FYTTD1: variants seen among roughly 807,000 people sequenced by gnomAD.
The protein encoded by FYTTD1 is forty-two-three domain containing 1.
FYTTD1 carries 22 observed loss-of-function variants against 40.9 expected under a neutral mutation model. The ratio of observed to expected loss-of-function variants is 0.54; its 90% CI spans 0.38 to 0.77. FYTTD1 has a LOEUF of 0.77. FYTTD1 is among the 30% of genes least tolerant of loss of function. The probability of loss-of-function intolerance (pLI) is 0.00; values close to 1 mark genes in which losing one functional copy is unlikely to be tolerated. For missense variants in FYTTD1, 351 were observed against 392.2 expected (o/e 0.90, Z 0.89); for synonymous variants, 140 against 137.9 (o/e 1.01, Z -0.10).
chr3:197,773,999 C>T, intron 5 of FYTTD1, 150 bp from the exon 6 acceptor site: 3 of 702,392 alleles, frequency 4.3e-6, no homozygotes, highest in Non-Finnish European at 5.0e-6. Context: ...GCACACGCCC[C>T]ACTGGGTTAG....
Position 197,768,475 on chromosome 3 carries a change from T to C in FYTTD1, c.272T>C (p.Val91Ala), listed in dbSNP as rs747480786. ...ACTAGTCTGAATCGTAGAGGAAGAG[T>C]AATGCCTGGAAAGAGACGTCCTAAT... ...GKTSLNRRGRVMPGKRRPNGV... is the reference protein window; with the variant it reads ...GKTSLNRRGRAMPGKRRPNGV... The change falls in exon 3 of 9, where the codon GTA (valine) becomes GCA (alanine). Residue 91 changes from valine to alanine, a missense_variant. Transcript: ENST00000241502. 6.2e-7 allele frequency: 1 copy of C among 1,612,302 alleles called. No homozygotes were observed. Among genetic ancestry groups the C allele is most frequent in the Admixed American group, 1.7e-5 (1 of 59,948 alleles).
intron 5 of FYTTD1, 22 bp downstream of exon 5, chr3:197,773,521 G>A: frequency 1.0e-6 from 1 of 962,816 alleles, no homozygotes. Flanking sequence ...CTTTGGCAGT[G>A]TTTTTGTTTG....
intron 2 of FYTTD1, among the ~76,000 whole-genome samples, chr3:197,760,784 GT>G (rs1729360429): frequency 6.6e-6 from 1 of 151,762 alleles, no homozygotes. Context: ...AATGTATGGA[GT>G]TGTTCCTCAG....
chr3:197,750,329 G>C, intron 1 of FYTTD1: 1 of 1,138,826 alleles, frequency 8.8e-7, no homozygotes, highest in Non-Finnish European at 1.1e-6. Flanking sequence ...CGGGGGCAGG[G>C]GCGCTGCGGG....
chr3:197,771,633 C>A (rs529861081), intron 4 of FYTTD1, among the ~76,000 whole-genome samples: 2 of 151,490 alleles, frequency 1.3e-5, no homozygotes, highest in African/African-American at 4.9e-5. Flanking sequence ...AAAAATTAGC[C>A]GGGCGTGGTG....
intron 8 of FYTTD1, among the ~76,000 whole-genome samples, chr3:197,780,899 G>A (rs1479328703): frequency 6.6e-6 from 1 of 151,882 alleles, no homozygotes; most frequent in Non-Finnish European, 1.5e-5. Flanking sequence ...GATTGAGGAA[G>A]CTCCCTTCTA....
chr3:197,762,940 A>G (rs1264632265), intron 2 of FYTTD1, among the ~76,000 whole-genome samples: 3 of 152,198 alleles, frequency 2.0e-5, no homozygotes, highest in South Asian at 2.1e-4. Context: ...TAATCTGTAC[A>G]GCAAACCCCC....
chr3:197,775,227 T>TA (rs1729843374), intron 6 of FYTTD1, among the ~76,000 whole-genome samples: 1 of 152,232 alleles, frequency 6.6e-6, no homozygotes, highest in African/African-American at 2.4e-5. Flanking sequence ...TTCTTAGCCC[T>TA]ATAAAAAATC....
At position 197,768,516 on chromosome 3, in the gene FYTTD1, C is replaced by T. The variant is rs1729617409; in HGVS notation, c.313C>T (p.Leu105Phe). 1 of 1,613,476 alleles carries T rather than the reference C, an allele frequency of 6.2e-7. No homozygotes were observed. ...KRRPNGVITG[L>F]AARKTTGIRK... ...ACGTCCTAATGGAGTTATCACTGGC[C>T]TTGCAGCTAGGAAAACGACTGGAAT... Residue 105 changes from leucine (L) to phenylalanine (F), a missense_variant, in exon 3 of 9, where the codon CTT becomes TTT. Physicochemically the swap from Leu to Phe is conservative, Grantham distance 22. Transcript: ENST00000241502.
intron 1 of FYTTD1, chr3:197,750,906 C>T (rs1729010737): frequency 2.1e-6 from 2 of 944,258 alleles, no homozygotes; most frequent in East Asian, 1.2e-4. Context: ...TTGGTGATTC[C>T]ATTAAAATCC....
Position 197,750,054 on chromosome 3 carries a change from A to T in FYTTD1, c.83A>T (p.Asp28Val). 1 of 1,581,238 alleles carries T rather than the reference A, an allele frequency of 6.3e-7. No homozygotes were observed. ...AAGGCCCGCAGCAATGAAAACCTCG[A>T]CAAAATAGATATGTCTTTGGGTGAG... ...PPKARSNENL[D>V]KIDMSLDDII... The change falls in exon 1 of 9, where the codon GAC (aspartate) becomes GTC (valine). Residue 28 changes from aspartate (D) to valine (V), a missense_variant. Transcript: ENST00000241502.
At chr3:197,771,748 G>T (rs1468323282) in intron 4 of FYTTD1, among the ~76,000 whole-genome samples, 1 of 125,598 alleles carries the variant, frequency 8.0e-6, no homozygotes, top group Non-Finnish European at 1.6e-5. Context: ...CTGCACTCCA[G>T]CCTGGGCGAC....
intron 4 of FYTTD1, among the ~76,000 whole-genome samples, chr3:197,773,024 C>G (rs7617270): frequency 0.055 from 8,349 of 152,122 alleles, 666 homozygotes; most frequent in African/African-American, 0.18. Context: ...GTTTATTTTA[C>G]GTCTTCAGTT....
chr3:197,750,960 G>A, intron 1 of FYTTD1: 1 of 552,678 alleles, frequency 1.8e-6, no homozygotes, highest in South Asian at 7.9e-5. Flanking sequence ...GTTAGCTTAG[G>A]TGGGCTAAAA....
intron 1 of FYTTD1, among the ~76,000 whole-genome samples, chr3:197,752,458 A>G (rs1436094473): frequency 6.6e-6 from 1 of 152,188 alleles, no homozygotes; most frequent in East Asian, 1.9e-4. Context: ...CACATACACT[A>G]TATATATGTG....
Position 197,781,983 on chromosome 3 carries a change from C to A in FYTTD1, c.*74C>A. On this transcript the variant is annotated 3_prime_UTR_variant, in exon 9 of 9. Coordinates refer to ENST00000241502, the MANE Select transcript of FYTTD1 (RefSeq NM_032288.7). The stretch of plus-strand genomic sequence containing the variant: ...GCTTGAAGAGTTCATCACGGAAATT[C>A]AAGAAACTTTACTTCAAAATATTCA... 1.3e-6 allele frequency: 1 copy of A among 791,916 alleles called. No homozygotes were observed. 49.1% of individuals were successfully genotyped at this position (791,916 alleles called of 1,614,324 possible).
chr3:197,766,159 T>C (rs946806944), intron 2 of FYTTD1, among the ~76,000 whole-genome samples: 1 of 53,666 alleles, frequency 1.9e-5, no homozygotes, highest in East Asian at 1.9e-3. Context: ...CGAGACTCTG[T>C]CTCAAAAAAA....
intron 6 of FYTTD1, among the ~76,000 whole-genome samples, chr3:197,776,665 T>C (rs1382743563): frequency 6.6e-6 from 1 of 152,012 alleles, no homozygotes; most frequent in African/African-American, 2.4e-5. Context: ...ACTGTTGCTT[T>C]TTATTAGAAG....
chr3:197,781,889 C>T lies in FYTTD1; in HGVS notation c.937C>T (p.Arg313Cys), dbSNP rs759536896. Residue 313 changes from arginine to cysteine, a missense_variant, in exon 9 of 9, where the codon CGC (arginine) becomes TGC (cysteine). Physicochemically the swap from Arg to Cys is radical, Grantham distance 180. Transcript: ENST00000241502. ...ATLTYNKGGS[R>C]FVTVG ...TCTCACATACAACAAAGGGGGAAGC[C>T]GCTTTGTCACCGTGGGATAGGTCCC... 1.1e-5 allele frequency: 18 copies of T among 1,605,908 alleles called. No homozygotes were observed. The highest frequency in any genetic ancestry group is 1.6e-4 in the Middle Eastern group (1 of 6,066).
Sources: allele counts gnomAD v4.1 joint callset (sites outside exome capture counted in the v4.1 genomes callset), GRCh38; gene constraint gnomAD v4.1.1; transcripts MANE v1.5; gene names NCBI Gene and HGNC (gene_info 2026-07-23, HGNC 2026-07-21).